Variants in NLGN1 observed in about 807,000 individuals in gnomAD.
NLGN1 encodes the protein neuroligin-1.
NLGN1 carries 12 observed loss-of-function variants against 65.5 expected under a neutral mutation model. The observed-to-expected ratio is 0.18, with a 90% CI of 0.12 to 0.30. NLGN1 has a LOEUF of 0.30. NLGN1 is among the 10% of genes least tolerant of loss of function. The probability of loss-of-function intolerance (pLI) is 1.00; values close to 1 mark genes in which losing one functional copy is unlikely to be tolerated. For synonymous variants in NLGN1, 350 were observed against 359.5 expected (o/e 0.97, Z 0.30); for missense variants, 750 against 1,007.1 (o/e 0.74, Z 3.46).
chr3:173,423,623 T>G (rs1715537467), intron 1 of NLGN1, among the ~76,000 whole-genome samples: 1 of 152,186 alleles, frequency 6.6e-6, no homozygotes, highest in South Asian at 2.1e-4. Flanking sequence ...AAATCTCTTT[T>G]GGCTCCATGT....
chr3:174,098,045 A>G (rs955326720), intron 4 of NLGN1, among the ~76,000 whole-genome samples: 4 of 152,214 alleles, frequency 2.6e-5, no homozygotes, highest in Non-Finnish European at 5.9e-5. Flanking sequence ...GTCTGATAAA[A>G]TCAAAGCATT....
At chr3:173,671,208 T>A (rs1460066198) in intron 3 of NLGN1, among the ~76,000 whole-genome samples, 1 of 152,190 alleles carries the variant, frequency 6.6e-6, no homozygotes, top group Admixed American at 6.5e-5. Context: ...AATATCAGAA[T>A]TGAATCCCTT....
chr3:173,522,937 G>GTTGTTTTTTTTTTTTTTTTTTTTTT (rs1553875211), intron 2 of NLGN1, among the ~76,000 whole-genome samples: 1 of 151,698 alleles, frequency 6.6e-6, no homozygotes, highest in Non-Finnish European at 1.5e-5. Flanking sequence ...CATCTTTGTT[G>GTTGTTTTTTTTTTTTTTTTTTTTTT]TTTTTTGACT....
At chr3:173,741,134 A>G (rs1774576837) in intron 3 of NLGN1, among the ~76,000 whole-genome samples, 1 of 152,184 alleles carries the variant, frequency 6.6e-6, no homozygotes, top group South Asian at 2.1e-4. Context: ...AGTTACCAGT[A>G]CATAAGTATT....
intron 3 of NLGN1, among the ~76,000 whole-genome samples, chr3:173,684,685 C>T (rs1764434836): frequency 6.6e-6 from 1 of 152,106 alleles, no homozygotes; most frequent in African/African-American, 2.4e-5. Flanking sequence ...GGTTATTGTT[C>T]ACTTTTTTTG....
intron 4 of NLGN1, among the ~76,000 whole-genome samples, chr3:174,244,916 A>G (rs1056357329): frequency 3.1e-4 from 47 of 152,296 alleles, no homozygotes; most frequent in African/African-American, 1.1e-3. Flanking sequence ...ATTGCCATAG[A>G]TGTCGCAGGA....
intron 3 of NLGN1, among the ~76,000 whole-genome samples, chr3:173,781,718 G>A (rs1252822896): frequency 6.6e-6 from 1 of 152,198 alleles, no homozygotes; most frequent in African/African-American, 2.4e-5. Flanking sequence ...GGACAAATAT[G>A]TTTTTTAAAA....
chr3:173,974,615 G>A (rs955455091), intron 4 of NLGN1, among the ~76,000 whole-genome samples: 2 of 152,090 alleles, frequency 1.3e-5, no homozygotes, highest in South Asian at 2.1e-4. Flanking sequence ...TAAAATATTT[G>A]AACAATTAAA....
intron 4 of NLGN1, among the ~76,000 whole-genome samples, chr3:174,265,153 C>A (rs964193095): frequency 6.6e-6 from 1 of 151,828 alleles, no homozygotes; most frequent in Admixed American, 6.5e-5. Flanking sequence ...GCCCTGCCCC[C>A]AGAGGTGGAG....
At chr3:173,665,010 C>T (rs768897193) in intron 3 of NLGN1, among the ~76,000 whole-genome samples, 21 of 151,984 alleles carry the variant, frequency 1.4e-4, no homozygotes, top group Non-Finnish European at 2.2e-4. Flanking sequence ...TATGGTTGGT[C>T]CTTATAAATA....
chr3:173,891,707 G>T (rs757414767), intron 4 of NLGN1, among the ~76,000 whole-genome samples: 1 of 152,110 alleles, frequency 6.6e-6, no homozygotes. Context: ...ACTGCTGAGG[G>T]ATCCTTGGGA....
the NLGN1 span, among the ~76,000 whole-genome samples, chr3:174,292,518 AAAG>A: frequency 6.6e-6 from 1 of 151,356 alleles, no homozygotes; most frequent in African/African-American, 2.4e-5. Flanking sequence ...TAATAATTAA[AAAG>A]AAAACATCTA....
intron 2 of NLGN1, among the ~76,000 whole-genome samples, chr3:173,558,412 C>T (rs549330220): frequency 6.6e-6 from 1 of 152,202 alleles, no homozygotes; most frequent in South Asian, 2.1e-4. Context: ...CCCCCAACCC[C>T]ATCCTATATA....
At chr3:173,469,031 G>A (rs118107797) in intron 2 of NLGN1, among the ~76,000 whole-genome samples, 1 of 152,126 alleles carries the variant, frequency 6.6e-6, no homozygotes, top group East Asian at 1.9e-4. Flanking sequence ...TATCTGTTCT[G>A]TCTCCATCAG....
chr3:173,751,200 G>A (rs1326670457), intron 3 of NLGN1, among the ~76,000 whole-genome samples: 2 of 151,970 alleles, frequency 1.3e-5, no homozygotes, highest in East Asian at 3.9e-4. Flanking sequence ...TTAAGATAAT[G>A]TTTGTGCATA....
chr3:174,107,007 CACACACACACAGAGAGAGAGAGAG>C (rs1714013333), intron 4 of NLGN1, among the ~76,000 whole-genome samples: 1 of 120,496 alleles, frequency 8.3e-6, no homozygotes, highest in African/African-American at 3.9e-5. Context: ...CACACACACA[CACACACACACAGAGAGAGAGAGAG>C]AGAGAGAGAG....
At chr3:174,166,689 A>G (rs1283113965) in intron 4 of NLGN1, among the ~76,000 whole-genome samples, 1 of 151,936 alleles carries the variant, frequency 6.6e-6, no homozygotes, top group Non-Finnish European at 1.5e-5. Context: ...GTAGATTTCT[A>G]TTATGTCTAG....
At chr3:173,933,929 A>T (rs1399227721) in intron 4 of NLGN1, among the ~76,000 whole-genome samples, 1 of 152,012 alleles carries the variant, frequency 6.6e-6, no homozygotes, top group African/African-American at 2.4e-5. Flanking sequence ...AATATATATT[A>T]TAAGTGAATA....
intron 3 of NLGN1, among the ~76,000 whole-genome samples, chr3:173,749,327 G>C (rs989157970): frequency 6.6e-6 from 1 of 151,998 alleles, no homozygotes; most frequent in African/African-American, 2.4e-5. Flanking sequence ...ACAGGTGTCA[G>C]GAGCCCTATT....
Sources: gnomAD v4.1 joint callset for allele counts (sites outside exome capture counted in the v4.1 genomes callset) on GRCh38, gnomAD v4.1.1 for gene constraint, MANE v1.5 for transcripts, NCBI Gene and HGNC (gene_info 2026-07-23, HGNC 2026-07-21) for gene names.